Variants in NCKAP5 observed in about 807,000 individuals in gnomAD.
The protein encoded by NCKAP5 is NCK associated protein 5.
A neutral mutation model predicts 167.0 loss-of-function variants in NCKAP5; 92 were observed. The observed-to-expected ratio is 0.55, with a 90% CI of 0.47 to 0.66. The LOEUF is 0.66. Among genes scored for constraint, NCKAP5 ranks in the 30% least tolerant of loss-of-function variants. NCKAP5 has a pLI of 0.00. For synonymous variants in NCKAP5, 891 were observed against 877.4 expected (o/e 1.02, Z -0.27); for missense variants, 2,378 against 2,315.0 (o/e 1.03, Z -0.56).
At chr2:132,751,925 T>A (rs1680147354) in intron 16 of NCKAP5, among the ~76,000 whole-genome samples, 1 of 152,212 alleles carries the variant, frequency 6.6e-6, no homozygotes, top group South Asian at 2.1e-4. Context: ...ACACACTGGT[T>A]CAAGGGGGAA....
intron 7 of NCKAP5, among the ~76,000 whole-genome samples, chr2:132,984,215 G>A (rs968789436): frequency 3.3e-5 from 5 of 152,112 alleles, no homozygotes; most frequent in African/African-American, 1.2e-4. Context: ...CATCACCTGG[G>A]GAAAATGTTT....
chr2:133,405,093 T>C (rs1252012458), intron 3 of NCKAP5, among the ~76,000 whole-genome samples: 1 of 152,246 alleles, frequency 6.6e-6, no homozygotes, highest in East Asian at 1.9e-4. Flanking sequence ...TTTCATAATG[T>C]CATTGCCAAC....
chr2:132,810,657 T>C (rs546595851), intron 11 of NCKAP5, among the ~76,000 whole-genome samples: 2 of 152,318 alleles, frequency 1.3e-5, no homozygotes, highest in Non-Finnish European at 2.9e-5. Context: ...TTTCCTTGAA[T>C]ATTTCTCCAT....
rs567009734 is a variant in NCKAP5, at chr2:133,258,547, C to A, written c.143+44490G>T. ...GCTTGAGCCTAGCAGAGTTTGAGAC[C>A]AACCTGTGCAACATGGCAAAACCCC... is the stretch of plus-strand genomic sequence containing the variant. On this transcript the variant is annotated intron_variant, in intron 4 of 19. Transcript: ENST00000409261. 5.3e-5 allele frequency among the ~76,000 whole-genome samples: 8 copies of A among 152,082 alleles called. 1 individual carries two copies. Among genetic ancestry groups the A allele is most frequent in the African/African-American group, 1.9e-4 (8 of 41,490 alleles).
At chr2:133,114,221 A>G (rs1000569565) in intron 6 of NCKAP5, among the ~76,000 whole-genome samples, 3 of 152,224 alleles carry the variant, frequency 2.0e-5, no homozygotes, top group Non-Finnish European at 4.4e-5. Flanking sequence ...TAAGATTGCA[A>G]CTAATAATCT....
At chr2:133,470,933 C>T (rs188619856) in intron 3 of NCKAP5, among the ~76,000 whole-genome samples, 2 of 152,378 alleles carry the variant, frequency 1.3e-5, no homozygotes, top group Admixed American at 1.3e-4. Flanking sequence ...GTGAGATGAA[C>T]CCAGTACGTC....
At chr2:133,486,007 G>A (rs1162315326) in intron 3 of NCKAP5, among the ~76,000 whole-genome samples, 2 of 152,158 alleles carry the variant, frequency 1.3e-5, no homozygotes, top group African/African-American at 2.4e-5. Flanking sequence ...CAGTCATGTA[G>A]TTAATTGGAA....
chr2:133,244,793 T>A (rs528620759), intron 4 of NCKAP5, among the ~76,000 whole-genome samples: 1 of 152,106 alleles, frequency 6.6e-6, no homozygotes, highest in East Asian at 1.9e-4. Flanking sequence ...CTTTAATTCA[T>A]ACCACAAACA....
chr2:132,766,416 C>G (rs960262618), intron 16 of NCKAP5, among the ~76,000 whole-genome samples: 1 of 151,832 alleles, frequency 6.6e-6, no homozygotes, highest in Admixed American at 6.6e-5. Flanking sequence ...TGTGTGACAG[C>G]AAGAAATTTC....
At chr2:132,938,005 T>G (rs1268378560) in intron 8 of NCKAP5, among the ~76,000 whole-genome samples, 1 of 152,264 alleles carries the variant, frequency 6.6e-6, no homozygotes, top group Admixed American at 6.5e-5. Flanking sequence ...TTGCCATGTT[T>G]CAACGTGGAC....
At chr2:133,252,995 T>C (rs898155425) in intron 4 of NCKAP5, among the ~76,000 whole-genome samples, 1 of 152,232 alleles carries the variant, frequency 6.6e-6, no homozygotes, top group Non-Finnish European at 1.5e-5. Context: ...GTCAGTCCCA[T>C]TCATTCACTT....
intron 3 of NCKAP5, among the ~76,000 whole-genome samples, chr2:133,506,601 C>G (rs1683031520): frequency 6.6e-6 from 1 of 152,178 alleles, no homozygotes; most frequent in African/African-American, 2.4e-5. Context: ...ATCCCTCCAC[C>G]TAAGTGGCAT....
chr2:132,862,769 A>T lies in NCKAP5; in HGVS notation c.688-2158T>A, dbSNP rs1690019753. Among the ~76,000 whole-genome samples the T allele has an allele frequency of 5.1e-5, 7 of 136,132 alleles. No homozygotes were observed. In the South Asian group the frequency reaches 1.7e-3, roughly 32 times the overall value. The allele number at this position is 136,132 out of a possible 152,430, so 89.3% of individuals were successfully genotyped here. ...AGTCTCAAAAAAACCCAGTCTCAAA[A>T]AAAAAAAAACCAAAAAAAAACAAAG... On this transcript the variant is annotated intron_variant, in intron 10 of 19. Transcript: ENST00000409261.
intron 5 of NCKAP5, among the ~76,000 whole-genome samples, chr2:133,179,955 T>G (rs931213003): frequency 2.6e-5 from 4 of 151,914 alleles, no homozygotes; most frequent in Non-Finnish European, 5.9e-5. Context: ...AAAATCAAAT[T>G]TGACAAAATA....
At chr2:133,249,126 C>T (rs2088163161) in intron 4 of NCKAP5, among the ~76,000 whole-genome samples, 1 of 152,018 alleles carries the variant, frequency 6.6e-6, no homozygotes, top group East Asian at 1.9e-4. Context: ...AATAGGTCTG[C>T]ATTCTCATCC....
intron 19 of NCKAP5, among the ~76,000 whole-genome samples, chr2:132,699,327 G>A (rs1426737852): frequency 1.3e-5 from 2 of 152,124 alleles, no homozygotes; most frequent in Non-Finnish European, 2.9e-5. Flanking sequence ...CTTTTGACAT[G>A]ATAGATTTTT....
intron 3 of NCKAP5, among the ~76,000 whole-genome samples, chr2:133,510,960 T>C (rs949786094): frequency 7.2e-5 from 11 of 152,218 alleles, no homozygotes; most frequent in African/African-American, 2.7e-4. Flanking sequence ...ATATAAAGTA[T>C]TGAGCAGCAT....
At chr2:133,475,812 T>C (rs1679830647) in intron 3 of NCKAP5, among the ~76,000 whole-genome samples, 1 of 152,236 alleles carries the variant, frequency 6.6e-6, no homozygotes, top group Non-Finnish European at 1.5e-5. Context: ...TTCATGACAG[T>C]GACTAAAGGC....
At chr2:133,150,449 T>A (rs1055165345) in intron 5 of NCKAP5, among the ~76,000 whole-genome samples, 1 of 152,122 alleles carries the variant, frequency 6.6e-6, no homozygotes, top group Non-Finnish European at 1.5e-5. Context: ...GTTCTTTACC[T>A]CCAGGATTTC....
Sources: allele counts gnomAD v4.1 joint callset (sites outside exome capture counted in the v4.1 genomes callset), GRCh38; gene constraint gnomAD v4.1.1; transcripts MANE v1.5; gene names NCBI Gene and HGNC (gene_info 2026-07-23, HGNC 2026-07-21).